The following PSD3 variants were observed in gnomAD, a reference collection of about 807,000 sequenced individuals.
The protein encoded by PSD3 is pleckstrin and Sec7 domain containing 3.
A neutral mutation model predicts 105.5 loss-of-function variants in PSD3; 49 were observed. That is an observed-to-expected ratio of 0.46 (90% CI 0.37 to 0.59). PSD3 has a LOEUF of 0.59. Among genes scored for constraint, PSD3 ranks in the 20% least tolerant of loss-of-function variants. The pLI is 0.00. For missense variants in PSD3, 1,561 were observed against 1,263.8 expected (o/e 1.24, Z -3.57); for synonymous variants, 557 against 457.8 (o/e 1.22, Z -2.77).
At chr8:18,633,396 A>T (rs1807035824) in intron 10 of PSD3, among the ~76,000 whole-genome samples, 1 of 151,998 alleles carries the variant, frequency 6.6e-6, no homozygotes, top group Non-Finnish European at 1.5e-5. Context: ...TTGGCATGTG[A>T]CAGCTGCTAC....
At chr8:18,688,822 G>A (rs1488338524) in intron 9 of PSD3, among the ~76,000 whole-genome samples, 1 of 152,184 alleles carries the variant, frequency 6.6e-6, no homozygotes, top group Non-Finnish European at 1.5e-5. Flanking sequence ...GAGCCAGCCT[G>A]TACAGAGACA....
intron 4 of PSD3, among the ~76,000 whole-genome samples, chr8:18,831,941 T>C (rs1813714484): frequency 2.0e-5 from 3 of 152,134 alleles, no homozygotes; most frequent in South Asian, 2.1e-4. Context: ...GTAAGTTTAC[T>C]ATAACTTGAG....
At chr8:18,736,045 C>A (rs1020646145) in intron 9 of PSD3, among the ~76,000 whole-genome samples, 8 of 152,102 alleles carry the variant, frequency 5.3e-5, no homozygotes, top group Non-Finnish European at 1.2e-4. Flanking sequence ...TAGCTTCTGA[C>A]AAATTTCAAC....
At chr8:19,028,784 T>G (rs576558615) in intron 1 of PSD3, among the ~76,000 whole-genome samples, 1 of 152,300 alleles carries the variant, frequency 6.6e-6, no homozygotes, top group South Asian at 2.1e-4. Flanking sequence ...TTTTCTTCTA[T>G]GTTTGCTTCT....
At chr8:19,031,767 G>A (rs1827780998) in intron 1 of PSD3, among the ~76,000 whole-genome samples, 1 of 151,990 alleles carries the variant, frequency 6.6e-6, no homozygotes, top group South Asian at 2.1e-4. Flanking sequence ...ACTAAATAGG[G>A]GCAGAAAAAT....
chr8:19,069,955 T>A (rs1376578831), intron 1 of PSD3, among the ~76,000 whole-genome samples: 1 of 150,756 alleles, frequency 6.6e-6, no homozygotes, highest in East Asian at 1.9e-4. Flanking sequence ...TTTTCTTTTT[T>A]TTTTTTTTGA....
intron 9 of PSD3, among the ~76,000 whole-genome samples, chr8:18,692,433 T>C (rs537958798): frequency 2.6e-5 from 4 of 152,226 alleles, no homozygotes; most frequent in East Asian, 1.9e-4. Context: ...CTGAGGACTT[T>C]AGAAAATGAG....
chr8:18,656,480 C>T (rs1024089261), intron 9 of PSD3, among the ~76,000 whole-genome samples: 6 of 140,352 alleles, frequency 4.3e-5, no homozygotes, highest in African/African-American at 8.4e-5. Context: ...TTTAGAGTTT[C>T]GATACCACTG....
chr8:18,796,775 T>G (rs1586027862), intron 8 of PSD3, among the ~76,000 whole-genome samples: 1 of 152,148 alleles, frequency 6.6e-6, no homozygotes, highest in East Asian at 1.9e-4. Context: ...ATTGCTATTA[T>G]GACACAACGG....
At chr8:19,052,900 G>T (rs988226077) in intron 1 of PSD3, among the ~76,000 whole-genome samples, 16 of 152,148 alleles carry the variant, frequency 1.1e-4, no homozygotes, top group Admixed American at 3.9e-4. Flanking sequence ...CAGCCAAGCT[G>T]CCCAGGCTTA....
intron 12 of PSD3, among the ~76,000 whole-genome samples, chr8:18,585,618 A>G (rs1803121208): frequency 1.3e-5 from 2 of 152,192 alleles, no homozygotes; most frequent in South Asian, 4.1e-4. Flanking sequence ...GTGCCCAACC[A>G]CACCAGACAC....
intron 9 of PSD3, among the ~76,000 whole-genome samples, chr8:18,752,649 ATAATATAT>A (rs1805702339): frequency 2.9e-5 from 3 of 103,368 alleles, no homozygotes; most frequent in African/African-American, 1.1e-4. Flanking sequence ...TATAATATAT[ATAATATAT>A]TATATTTGAT....
intron 10 of PSD3, among the ~76,000 whole-genome samples, chr8:18,652,520 C>T: frequency 1.2e-5 from 1 of 82,122 alleles, no homozygotes; most frequent in Admixed American, 1.6e-4. Context: ...TTTTTTGAGA[C>T]CAAGTCTCAC....
In PSD3 at chr8:18,799,434, C is replaced by T. The variant is rs1810491009; in HGVS notation, c.2024-81G>A. ...ACCTTATTATCACTAATAGGATACA[C>T]TCAGAACCTATGAAAACAGTACTGT... On this transcript the variant is annotated intron_variant, in intron 7 of 15. Transcript: ENST00000327040. 3 of 1,102,576 alleles carry T rather than the reference C, an allele frequency of 2.7e-6. No homozygotes were observed. The Admixed American group carries it at 5.2e-5, about 19-fold the overall frequency. 68.3% of individuals were successfully genotyped at this position (1,102,576 alleles called of 1,614,324 possible).
At chr8:18,965,886 G>T (rs748260468) in intron 1 of PSD3, among the ~76,000 whole-genome samples, 2 of 152,210 alleles carry the variant, frequency 1.3e-5, no homozygotes, top group Non-Finnish European at 2.9e-5. Context: ...CCTGAGTTAA[G>T]CTCCTGGTAA....
chr8:18,952,453 A>G (rs112988994), intron 1 of PSD3, among the ~76,000 whole-genome samples: 2 of 152,360 alleles, frequency 1.3e-5, no homozygotes, highest in African/African-American at 4.8e-5. Flanking sequence ...GAGATCACCT[A>G]TACATTTTAT....
intron 2 of PSD3, among the ~76,000 whole-genome samples, chr8:18,909,133 T>C (rs1820038872): frequency 1.3e-5 from 2 of 152,198 alleles, no homozygotes; most frequent in Admixed American, 1.3e-4. Flanking sequence ...GGGCAAATAC[T>C]CTAAGTTGCT....
chr8:18,833,669 A>G (rs1003555027), intron 4 of PSD3, among the ~76,000 whole-genome samples: 7 of 151,966 alleles, frequency 4.6e-5, no homozygotes, highest in Non-Finnish European at 8.8e-5. Context: ...GCATTTAGTT[A>G]TCTAGTCAGA....
intron 4 of PSD3, among the ~76,000 whole-genome samples, chr8:18,842,806 G>T (rs1814755327): frequency 6.6e-6 from 1 of 152,084 alleles, no homozygotes; most frequent in Non-Finnish European, 1.5e-5. Context: ...CTTCAGCAAA[G>T]GTTTTAGACA....
Sources: gnomAD v4.1 joint callset for allele counts (sites outside exome capture counted in the v4.1 genomes callset) on GRCh38, gnomAD v4.1.1 for gene constraint, MANE v1.5 for transcripts, NCBI Gene and HGNC (gene_info 2026-07-23, HGNC 2026-07-21) for gene names.